LRRN2: variants seen among roughly 807,000 people sequenced by gnomAD.
LRRN2 encodes leucine-rich repeat neuronal protein 2.
LRRN2 carries 10 observed loss-of-function variants against 35.7 expected under a neutral mutation model. That is an observed-to-expected ratio of 0.28 (90% CI 0.17 to 0.47). LRRN2 has a LOEUF of 0.47. Ranked by LOEUF, LRRN2 falls within the 20% of genes least tolerant of loss-of-function variation. LRRN2 has a pLI of 0.99. For missense variants in LRRN2, 731 were observed against 940.3 expected, an observed-to-expected ratio of 0.78 and a Z score of 2.91; for synonymous variants, 391 against 409.6, an observed-to-expected ratio of 0.95 and a Z score of 0.55.
chr1:204,628,716 T>G (rs950957299), intron 1 of LRRN2: 1 of 152,172 alleles, frequency 6.6e-6, no homozygotes, highest in Non-Finnish European at 1.5e-5. Flanking sequence ...CTATAAGCAC[T>G]CCCTGCAGTC....
At chr1:204,642,899 G>A (rs1312492743) in intron 1 of LRRN2, among the ~76,000 whole-genome samples, 1 of 152,198 alleles carries the variant, frequency 6.6e-6, no homozygotes, top group Non-Finnish European at 1.5e-5. Flanking sequence ...CCCCTGGAAG[G>A]TGCAGCACCT....
At chr1:204,647,384 C>T (rs867219051) in intron 1 of LRRN2, among the ~76,000 whole-genome samples, 61 of 152,198 alleles carry the variant, frequency 4.0e-4, no homozygotes, top group Middle Eastern at 3.2e-3. Context: ...TTATCAAAAG[C>T]CACTCTGACA....
intron 1 of LRRN2, among the ~76,000 whole-genome samples, chr1:204,644,608 G>A (rs74138510): frequency 0.036 from 5,409 of 152,212 alleles, 316 homozygotes; most frequent in African/African-American, 0.12. Flanking sequence ...TCTCCTTTGT[G>A]ACACCTTCCT....
intron 1 of LRRN2, chr1:204,633,338 C>T (rs1667756226): frequency 6.6e-6 from 1 of 152,206 alleles, no homozygotes; most frequent in Admixed American, 6.5e-5. Flanking sequence ...ATGTGATTCT[C>T]ACGGTAGCCC....
Position 204,626,800 on chromosome 1 carries a change from C to T in LRRN2, c.-226-6582G>A, listed in dbSNP as rs565806618. On this transcript the variant is annotated intron_variant, in intron 1 of 1. Transcript: ENST00000367177. ...TTAGTAGGTCATGAAAACAATTTAA[C>T]GTGGGTCACGATCTACATTAAAAAA... 8 of 152,254 alleles carry T rather than the reference C, an allele frequency of 5.3e-5. No homozygotes were observed. The South Asian group carries it at 8.3e-4, about 16-fold the overall frequency. 9.4% of individuals were successfully genotyped at this position (152,254 alleles called of 1,614,324 possible).
chr1:204,674,878 T>C (rs765967772), intron 1 of LRRN2, among the ~76,000 whole-genome samples: 94 of 152,348 alleles, frequency 6.2e-4, no homozygotes, highest in Admixed American at 1.0e-3. Context: ...CCTGCGCCAG[T>C]GCTCACGTCG....
chr1:204,671,646 A>C (rs954981784), intron 1 of LRRN2, among the ~76,000 whole-genome samples: 17 of 143,134 alleles, frequency 1.2e-4, no homozygotes, highest in Non-Finnish European at 2.0e-4. Flanking sequence ...TGATGGTAAA[A>C]AAAAAAAAAA....
intron 1 of LRRN2, among the ~76,000 whole-genome samples, chr1:204,683,831 C>A (rs1201072716): frequency 6.6e-6 from 1 of 152,218 alleles, no homozygotes; most frequent in Non-Finnish European, 1.5e-5. Flanking sequence ...CCTAGCTCTG[C>A]CCTTCTGTTT....
At chr1:204,636,847 C>T (rs529446858) in intron 1 of LRRN2, among the ~76,000 whole-genome samples, 3 of 152,214 alleles carry the variant, frequency 2.0e-5, no homozygotes, top group South Asian at 4.1e-4. Context: ...GGTCCACACA[C>T]GGTGTTAAAA....
chr1:204,651,550 G>T (rs1470988949), intron 1 of LRRN2, among the ~76,000 whole-genome samples: 3 of 152,066 alleles, frequency 2.0e-5, no homozygotes, highest in African/African-American at 7.2e-5. Context: ...AAGCAGAGTG[G>T]GGTGACCAAC....
chr1:204,668,286 T>C (rs997304564), intron 1 of LRRN2, among the ~76,000 whole-genome samples: 30 of 152,224 alleles, frequency 2.0e-4, no homozygotes, highest in African/African-American at 6.3e-4. Context: ...AAAGCGTGGA[T>C]ATGCAGCAGT....
intron 1 of LRRN2, among the ~76,000 whole-genome samples, chr1:204,625,879 C>G (rs1329821309): frequency 1.3e-5 from 2 of 152,222 alleles, no homozygotes; most frequent in Non-Finnish European, 1.5e-5. Flanking sequence ...TCTAGAGTTC[C>G]CGTATCTAAA....
intron 1 of LRRN2, among the ~76,000 whole-genome samples, chr1:204,670,082 G>A (rs1294317449): frequency 6.6e-6 from 1 of 152,000 alleles, no homozygotes; most frequent in African/African-American, 2.4e-5. Flanking sequence ...AGATGCAAGA[G>A]TGGATACAGC....
rs1666703589 is a variant in LRRN2 at position 204,619,717 on chromosome 1, C to T, written c.276G>A (p.Leu92=). 6.2e-7 allele frequency: 1 copy of T among 1,614,162 alleles called. No individual in the cohort carries two copies. Among genetic ancestry groups the T allele is most frequent in the Non-Finnish European group, 8.5e-7 (1 of 1,179,992 alleles). Residue 92 remains leucine, a synonymous_variant, in exon 2 of 2, where the codon CTG becomes CTA. Coordinates refer to ENST00000367177, the MANE Select transcript of LRRN2 (RefSeq NM_201630.2). ...ACAGGTCCAGCTCTGTGAGATTGGC[C>T]AGGTAGCCCAGCTCACTCTGGTCCA... ...VRVDQSELGY[L]ANLTELDLSQ...
Position 204,618,299 on chromosome 1 carries a change from C to A in LRRN2, c.1694G>T (p.Arg565Leu), listed in dbSNP as rs190535053. 1.3e-6 allele frequency: 2 copies of A among 1,598,242 alleles called. No homozygotes were observed. Among genetic ancestry groups the A allele is most frequent in the South Asian group, 1.1e-5 (1 of 87,908 alleles). The change falls in exon 2 of 2, where the codon CGG becomes CTG. Residue 565 changes from arginine (R) to leucine (L), a missense_variant. By Grantham distance (102) the Arg-to-Leu change is moderately radical. Coordinates refer to ENST00000367177, the MANE Select transcript of LRRN2 (RefSeq NM_201630.2). ...GGCCAGAGCTGTGGCCCCCTGGCCCCGGAGGGAGGAGGCACTGGACCAGGT... is the reference window on the plus strand; with the variant it reads ...GGCCAGAGCTGTGGCCCCCTGGCCCAGGAGGGAGGAGGCACTGGACCAGGT... ...NLTWSSASSL[R>L]GQGATALARL...
chr1:204,671,108 G>A (rs1267190264), intron 1 of LRRN2, among the ~76,000 whole-genome samples: 1 of 152,200 alleles, frequency 6.6e-6, no homozygotes, highest in East Asian at 1.9e-4. Flanking sequence ...GGCCTCTGCA[G>A]ACACAGGAGG....
At chr1:204,635,010 A>T (rs1667798750) in intron 1 of LRRN2, among the ~76,000 whole-genome samples, 1 of 152,210 alleles carries the variant, frequency 6.6e-6, no homozygotes, top group Admixed American at 6.5e-5. Flanking sequence ...GATATGACCT[A>T]GGCTCACTGC....
At chr1:204,666,255 A>C (rs898493351) in intron 1 of LRRN2, among the ~76,000 whole-genome samples, 32 of 152,252 alleles carry the variant, frequency 2.1e-4, no homozygotes, top group Non-Finnish European at 4.4e-5. Context: ...TCTCCTGTGA[A>C]TGTCTAGGCA....
At chr1:204,624,738 C>T (rs542035272) in intron 1 of LRRN2, among the ~76,000 whole-genome samples, 2 of 144,814 alleles carry the variant, frequency 1.4e-5, no homozygotes, top group South Asian at 4.5e-4. Context: ...CCTCCTCTCC[C>T]TGGCGGTTCC....
Sources: gnomAD v4.1 joint callset for allele counts (sites outside exome capture counted in the v4.1 genomes callset) on GRCh38, gnomAD v4.1.1 for gene constraint, MANE v1.5 for transcripts, NCBI Gene and HGNC (gene_info 2026-07-23, HGNC 2026-07-21) for gene names.